EYS: variants seen among roughly 807,000 people sequenced by gnomAD.
EYS encodes the protein EGF-like photoreceptor maintenance factor, also known as protein eyes shut homolog.
In EYS, 250 loss-of-function variants were observed where a neutral mutation model predicts 282.1. The ratio of observed to expected loss-of-function variants is 0.89; its 90% CI spans 0.80 to 0.98. EYS has a LOEUF of 0.98. Among genes scored for constraint, EYS ranks in the 50% least tolerant of loss-of-function variants. The pLI, the probability that EYS is intolerant of heterozygous loss-of-function variation, is 0.00. For missense variants in EYS, 4,016 were observed against 3,709.0 expected, an observed-to-expected ratio of 1.08 and a Z score of -2.15; for synonymous variants, 1,355 against 1,282.9, an observed-to-expected ratio of 1.06 and a Z score of -1.20.
At chr6:63,884,171 A>C (rs1773204264) in intron 35 of EYS, among the ~76,000 whole-genome samples, 2 of 152,190 alleles carry the variant, frequency 1.3e-5, no homozygotes, top group Admixed American at 1.3e-4. Context: ...AATGAAATTC[A>C]ATGTGTTTTC....
At chr6:64,872,806 C>G (rs931999931) in intron 19 of EYS, among the ~76,000 whole-genome samples, 1 of 151,836 alleles carries the variant, frequency 6.6e-6, no homozygotes, top group Non-Finnish European at 1.5e-5. Context: ...TGCAATTCCC[C>G]CAGTACCTAG....
At chr6:64,667,902 T>C (rs1769289477) in intron 22 of EYS, among the ~76,000 whole-genome samples, 1 of 152,142 alleles carries the variant, frequency 6.6e-6, no homozygotes, top group Non-Finnish European at 1.5e-5. Context: ...CAGGTAAGTA[T>C]CATAAGCCAA....
chr6:63,856,561 G>A (rs761016567), intron 36 of EYS, among the ~76,000 whole-genome samples: 3 of 152,158 alleles, frequency 2.0e-5, no homozygotes, highest in Non-Finnish European at 4.4e-5. Flanking sequence ...CAGATGTGTA[G>A]CTCCCTAGGA....
At chr6:64,405,000 A>G (rs965172955) in intron 28 of EYS, among the ~76,000 whole-genome samples, 1 of 151,476 alleles carries the variant, frequency 6.6e-6, no homozygotes, top group Non-Finnish European at 1.5e-5. Context: ...TTTATTTTAA[A>G]GTTCTGGGGT....
intron 14 of EYS, among the ~76,000 whole-genome samples, chr6:64,976,222 T>G: frequency 6.6e-6 from 1 of 151,988 alleles, no homozygotes; most frequent in East Asian, 1.9e-4. Flanking sequence ...TTCAACAGCC[T>G]CTTTTTTGCT....
chr6:65,039,187 G>A (rs1772857477), intron 13 of EYS, among the ~76,000 whole-genome samples: 1 of 151,414 alleles, frequency 6.6e-6, no homozygotes, highest in Non-Finnish European at 1.5e-5. Context: ...GTGTCTTTGT[G>A]TATGATGTGA....
intron 12 of EYS, among the ~76,000 whole-genome samples, chr6:65,218,759 CAT>C (rs1766382176): frequency 6.6e-6 from 1 of 151,830 alleles, no homozygotes; most frequent in Non-Finnish European, 1.5e-5. Context: ...AAATATGTGT[CAT>C]ATAAACAATG....
At chr6:64,130,576 T>C (rs887397225) in intron 31 of EYS, among the ~76,000 whole-genome samples, 2 of 151,836 alleles carry the variant, frequency 1.3e-5, no homozygotes, top group Non-Finnish European at 2.9e-5. Context: ...TATATACATA[T>C]GTAACAAACC....
Position 64,588,884 on chromosome 6 carries a change from G to C in EYS, c.5644+1339C>G, listed in dbSNP as rs753128643. On this transcript the variant is annotated intron_variant, in intron 26 of 42. Coordinates refer to ENST00000503581, the MANE Select transcript of EYS (RefSeq NM_001142800.2). The stretch of plus-strand genomic sequence containing the variant: ...AAGGAGATTAGGAGATGTAGGTGAG[G>C]TCAAAATAAAGAATAGTTGCAATGG... Among the ~76,000 whole-genome samples, 15 of 152,040 alleles carry C rather than the reference G, an allele frequency of 9.9e-5. No homozygotes were observed. In the South Asian group the frequency reaches 1.2e-3, roughly 13 times the overall value.
chr6:63,965,727 C>G (rs942402991), intron 35 of EYS, among the ~76,000 whole-genome samples: 1 of 152,134 alleles, frequency 6.6e-6, no homozygotes, highest in African/African-American at 2.4e-5. Flanking sequence ...TAAACAGCAC[C>G]ATAGTTTGGC....
At chr6:63,997,981 T>A (rs746697354) in intron 34 of EYS, among the ~76,000 whole-genome samples, 46 of 152,130 alleles carry the variant, frequency 3.0e-4, no homozygotes, top group Non-Finnish European at 5.7e-4. Flanking sequence ...GTCTTAAATC[T>A]AAATAAGTGG....
chr6:64,956,200 A>C (rs183210176), intron 14 of EYS, among the ~76,000 whole-genome samples: 1 of 152,250 alleles, frequency 6.6e-6, no homozygotes. Flanking sequence ...ATTATACTAC[A>C]GTGCTATAGT....
In EYS at chr6:64,274,180, TATTC is replaced by T. The variant is rs566840604; in HGVS notation, c.6191+32786_6191+32789del. On this transcript the variant is annotated intron_variant, in intron 30 of 42. Coordinates refer to ENST00000503581, the MANE Select transcript of EYS (RefSeq NM_001142800.2). ...ATCTGCTCTACTCCCTCCATTCATT[TATTC>T]ATTCATTCATAGACAGGGTTTCACT... Among the ~76,000 whole-genome samples the T allele has an allele frequency of 6.6e-3, 1,002 of 152,344 alleles. 8 individuals are homozygous for T. The highest frequency in any genetic ancestry group is 0.012 in the Non-Finnish European group (804 of 68,034).
chr6:64,526,902 G>T (rs894553153), intron 26 of EYS, among the ~76,000 whole-genome samples: 1 of 151,744 alleles, frequency 6.6e-6, no homozygotes, highest in Non-Finnish European at 1.5e-5. Flanking sequence ...TTGCATAATT[G>T]TGTTGACTTA....
intron 22 of EYS, among the ~76,000 whole-genome samples, chr6:64,630,798 A>C (rs1459205990): frequency 6.6e-6 from 1 of 152,224 alleles, no homozygotes; most frequent in Non-Finnish European, 1.5e-5. Flanking sequence ...TGGAGGAAAG[A>C]TTTTGAAAAC....
At chr6:63,999,253 A>G (rs1418675328) in intron 33 of EYS, 70 bp from the exon 34 acceptor site, 5 of 940,264 alleles carry the variant, frequency 5.3e-6, no homozygotes, top group Non-Finnish European at 6.7e-6. Flanking sequence ...TCACACATGG[A>G]TAGTAAGTAC....
intron 26 of EYS, among the ~76,000 whole-genome samples, chr6:64,555,983 A>C (rs756529210): frequency 2.2e-4 from 34 of 152,106 alleles, no homozygotes; most frequent in Middle Eastern, 3.4e-3. Flanking sequence ...AAAAACAGAC[A>C]ATAAAAAGTG....
At chr6:64,550,141 A>G (rs200657162) in intron 26 of EYS, among the ~76,000 whole-genome samples, 5 of 152,218 alleles carry the variant, frequency 3.3e-5, no homozygotes, top group South Asian at 2.1e-4. Context: ...TATCATTGTT[A>G]GACATTTGGG....
chr6:65,231,683 A>G (rs1766786625), intron 12 of EYS, among the ~76,000 whole-genome samples: 1 of 151,978 alleles, frequency 6.6e-6, no homozygotes, highest in Non-Finnish European at 1.5e-5. Flanking sequence ...ATTAAATTTA[A>G]TAATGAAACA....
Sources: gnomAD v4.1 joint callset for allele counts (sites outside exome capture counted in the v4.1 genomes callset) on GRCh38, gnomAD v4.1.1 for gene constraint, MANE v1.5 for transcripts, NCBI Gene and HGNC (gene_info 2026-07-23, HGNC 2026-07-21) for gene names.